The following SPATA6L variants were observed in gnomAD, a reference collection of about 807,000 sequenced individuals.
SPATA6L encodes the protein spermatogenesis associated 6 like.
SPATA6L carries 68 observed loss-of-function variants against 49.2 expected under a neutral mutation model. That is an observed-to-expected ratio of 1.38 (90% CI 1.14 to 1.69). The LOEUF is 1.69. SPATA6L is among the 40% of genes most tolerant of loss of function. The pLI, the probability that SPATA6L is intolerant of heterozygous loss-of-function variation, is 0.00. For missense variants in SPATA6L, 668 were observed against 464.3 expected (o/e 1.44, Z -4.03); for synonymous variants, 198 against 165.7 (o/e 1.19, Z -1.50).
chr9:4,633,894 A>C (rs902206865), intron 4 of SPATA6L: 1 of 152,266 alleles, frequency 6.6e-6, no homozygotes, highest in Non-Finnish European at 1.5e-5. Flanking sequence ...TTCACAAATT[A>C]TTTAAAATAT....
downstream of SPATA6L, among the ~76,000 whole-genome samples, chr9:4,595,948 G>A (rs1175112089): frequency 6.6e-6 from 1 of 152,196 alleles, no homozygotes; most frequent in African/African-American, 2.4e-5. Context: ...GGCTGGTTTA[G>A]ATTTGAATTT....
intron 6 of SPATA6L, among the ~76,000 whole-genome samples, chr9:4,623,069 C>G (rs1033496602): frequency 5.3e-5 from 8 of 152,100 alleles, no homozygotes; most frequent in African/African-American, 1.9e-4. Context: ...CACCTGAGGT[C>G]GGGAGTTCAA....
chr9:4,605,459 A>G lies in SPATA6L; in HGVS notation c.996-19T>C. ...ATGGAACCTGCTCAACAGATGGAAC[A>G]GGGTGGAATATTAAGCAGCTACTAA... is the stretch of plus-strand genomic sequence containing the variant. On this transcript the variant is annotated intron_variant, in intron 9 of 11. Transcript: ENST00000682582. 6.3e-7 allele frequency: 1 copy of G among 1,582,336 alleles called. No homozygotes were observed. Among genetic ancestry groups the G allele is most frequent in the Non-Finnish European group, 8.7e-7 (1 of 1,151,176 alleles).
chr9:4,615,384 C>T (rs531493218), intron 9 of SPATA6L, among the ~76,000 whole-genome samples: 1 of 152,110 alleles, frequency 6.6e-6, no homozygotes, highest in Non-Finnish European at 1.5e-5. Context: ...TTCCTGCTTT[C>T]CGTCTTAACC....
In SPATA6L at chr9:4,666,392, T is replaced by TC. The variant is rs1030776106; in HGVS notation, c.-143dup. 5.3e-5 allele frequency: 45 copies of TC among 845,490 alleles called. No individual in the cohort carries two copies. The highest frequency in any genetic ancestry group is 3.3e-4 in the Admixed American group (16 of 48,778). The allele number at this position is 845,490 out of a possible 1,614,324, so 52.4% of individuals were successfully genotyped here. Reference sequence around the variant, plus strand: ...GTCCCACGCCCTTGTTCCCCTACCGTCCCCCCCAGCCCAGGTCCCTCCCAC... The same window carrying TC: ...GTCCCACGCCCTTGTTCCCCTACCGTCCCCCCCCAGCCCAGGTCCCTCCCAC... On this transcript the variant is annotated 5_prime_UTR_variant, in exon 1 of 12. Transcript: ENST00000682582.
At chr9:4,636,746 A>G (rs546143608) in intron 3 of SPATA6L, among the ~76,000 whole-genome samples, 1 of 152,322 alleles carries the variant, frequency 6.6e-6, no homozygotes, top group East Asian at 1.9e-4. Context: ...ATTTAATATT[A>G]ATGTTTCAGT....
At chr9:4,660,906 T>C (rs1356284317) in intron 2 of SPATA6L, among the ~76,000 whole-genome samples, 2 of 152,088 alleles carry the variant, frequency 1.3e-5, no homozygotes, top group African/African-American at 4.8e-5. Context: ...CTGGAAACCA[T>C]CATTCTCAGC....
rs1200577000 is a variant in SPATA6L at position 4,607,650 on chromosome 9, A to G, written c.996-2210T>C. On this transcript the variant is annotated intron_variant, in intron 9 of 11. Coordinates refer to ENST00000682582, the MANE Select transcript of SPATA6L (RefSeq NM_001353486.2). ...AAAAGAGCTCCTGAAGGAAGCGCTAAACATGGAAAGGAACAACCGGTACCA... is the reference window on the plus strand; with the variant it reads ...AAAAGAGCTCCTGAAGGAAGCGCTAGACATGGAAAGGAACAACCGGTACCA... 2.6e-5 allele frequency among the ~76,000 whole-genome samples: 4 copies of G among 152,110 alleles called. No individual in the cohort carries two copies. In the South Asian group the frequency reaches 8.3e-4, roughly 32 times the overall value.
intron 5 of SPATA6L, chr9:4,627,739 C>T (rs535876205): frequency 8.5e-6 from 11 of 1,289,206 alleles, no homozygotes; most frequent in African/African-American, 4.5e-5. Context: ...TGCCCTAAGA[C>T]GCTTCACGCT....
intron 1 of SPATA6L, chr9:4,664,200 G>A (rs1479655063): frequency 6.0e-6 from 1 of 167,076 alleles, no homozygotes; most frequent in African/African-American, 2.4e-5. Context: ...TTATGCCAGT[G>A]ACCAGTATGA....
chr9:4,659,710 C>T (rs1263993748), intron 2 of SPATA6L, among the ~76,000 whole-genome samples: 4 of 152,094 alleles, frequency 2.6e-5, no homozygotes, highest in African/African-American at 4.8e-5. Context: ...AAAAAGAGCC[C>T]GCATTGCCAA....
At position 4,662,880 on chromosome 9, in the gene SPATA6L, C is replaced by G. The variant is rs748799316; in HGVS notation, c.40-844G>C. On this transcript the variant is annotated intron_variant, in intron 1 of 11. Coordinates refer to ENST00000682582, the MANE Select transcript of SPATA6L (RefSeq NM_001353486.2). This position sits in a 1 kb window ranked among gnomAD's most constrained non-coding sequence, Gnocchi z 4.9. The stretch of plus-strand genomic sequence containing the variant: ...GGCCGGGCGCGAGGTGCTGATGAAC[C>G]TGCTCTTCGCCCTGCTGTTGGACCT... 3 of 1,606,714 alleles carry G rather than the reference C, an allele frequency of 1.9e-6. No homozygotes were observed. Among genetic ancestry groups the G allele is most frequent in the Non-Finnish European group, 2.5e-6 (3 of 1,179,968 alleles).
intron 5 of SPATA6L, chr9:4,626,935 A>G (rs1326561056): frequency 6.5e-6 from 1 of 152,936 alleles, no homozygotes; most frequent in Non-Finnish European, 1.5e-5. Context: ...ATGTGTGTAC[A>G]GAATATACTA....
chr9:4,640,798 C>G (rs1833868155), intron 3 of SPATA6L, among the ~76,000 whole-genome samples: 1 of 151,950 alleles, frequency 6.6e-6, no homozygotes, highest in Non-Finnish European at 1.5e-5. Flanking sequence ...TTTAATTCCA[C>G]TAAAATTATA....
At chr9:4,623,086 C>T (rs950784028) in intron 6 of SPATA6L, among the ~76,000 whole-genome samples, 1 of 152,138 alleles carries the variant, frequency 6.6e-6, no homozygotes, top group Non-Finnish European at 1.5e-5. Flanking sequence ...TCAAGACCAG[C>T]CTGACCAGCA....
At chr9:4,626,356 G>C (rs537226692) in intron 5 of SPATA6L, 2 of 1,258,560 alleles carry the variant, frequency 1.6e-6, no homozygotes, top group South Asian at 2.7e-5. Flanking sequence ...CTTCCTCCAA[G>C]CTCCTGTGGC....
intron 7 of SPATA6L, among the ~76,000 whole-genome samples, chr9:4,621,032 T>C (rs752351119): frequency 6.6e-6 from 1 of 152,218 alleles, no homozygotes; most frequent in South Asian, 2.1e-4. Context: ...TAAGTTTCCA[T>C]AAGAGACTTA....
At chr9:4,613,340 T>C (rs897878730) in intron 9 of SPATA6L, among the ~76,000 whole-genome samples, 8 of 152,136 alleles carry the variant, frequency 5.3e-5, no homozygotes, top group Non-Finnish European at 1.0e-4. Flanking sequence ...ATGGCTACCA[T>C]ATGAATGACC....
intron 7 of SPATA6L, among the ~76,000 whole-genome samples, chr9:4,620,847 T>C (rs898768405): frequency 2.0e-5 from 3 of 152,216 alleles, no homozygotes; most frequent in African/African-American, 4.8e-5. Flanking sequence ...ACATTTGCTG[T>C]TGCCTGATTT....
Sources: allele counts gnomAD v4.1 joint callset (sites outside exome capture counted in the v4.1 genomes callset), GRCh38; gene constraint gnomAD v4.1.1; non-coding constraint Gnocchi (gnomAD v3.1); transcripts MANE v1.5; gene names NCBI Gene and HGNC (gene_info 2026-07-23, HGNC 2026-07-21).